SLC25A24: variants seen among roughly 807,000 people sequenced by gnomAD.
SLC25A24 encodes the protein mitochondrial adenyl nucleotide antiporter SLC25A24.
In SLC25A24, 49 loss-of-function variants were observed where a neutral mutation model predicts 60.7. The observed-to-expected ratio is 0.81, with a 90% CI of 0.64 to 1.02. SLC25A24 has a LOEUF of 1.02. Ranked by LOEUF, SLC25A24 falls within the 50% of genes least tolerant of loss-of-function variation. The pLI, the probability that SLC25A24 is intolerant of heterozygous loss-of-function variation, is 0.00. For synonymous variants in SLC25A24, 202 were observed against 200.6 expected (o/e 1.01, Z -0.06); for missense variants, 564 against 586.3 (o/e 0.96, Z 0.39).
chr1:108,182,493 G>A (rs1647965448), intron 2 of SLC25A24, among the ~76,000 whole-genome samples: 1 of 148,320 alleles, frequency 6.7e-6, no homozygotes, highest in Non-Finnish European at 1.5e-5. Context: ...AAGAGAAGTA[G>A]TAAATGAGGA....
intron 7 of SLC25A24, among the ~76,000 whole-genome samples, chr1:108,146,538 T>C (rs1016219652): frequency 1.3e-5 from 2 of 152,222 alleles, no homozygotes; most frequent in African/African-American, 2.4e-5. Context: ...TTCAGTATGA[T>C]ATTGGCTGTG....
At chr1:108,197,753 C>T (rs1421959154) in intron 1 of SLC25A24, among the ~76,000 whole-genome samples, 1 of 152,158 alleles carries the variant, frequency 6.6e-6, no homozygotes, top group East Asian at 1.9e-4. Context: ...ATAATGCAAT[C>T]CTGTGGAGGA....
chr1:108,188,549 G>T (rs1490134899), intron 1 of SLC25A24, among the ~76,000 whole-genome samples: 2 of 152,144 alleles, frequency 1.3e-5, no homozygotes, highest in Non-Finnish European at 2.9e-5. Flanking sequence ...CATCTAAGAG[G>T]TTTATATTTT....
chr1:108,156,703 G>A (rs1031998521), intron 5 of SLC25A24, among the ~76,000 whole-genome samples: 18 of 152,304 alleles, frequency 1.2e-4, no homozygotes, highest in Non-Finnish European at 2.2e-4. Context: ...TCACATACCT[G>A]ATATTGCTTG....
At chr1:108,140,636 G>A (rs978487585) in intron 8 of SLC25A24, among the ~76,000 whole-genome samples, 1 of 152,030 alleles carries the variant, frequency 6.6e-6, no homozygotes, top group African/African-American at 2.4e-5. Flanking sequence ...TAAAGTTTGT[G>A]GGGAGGAGGT....
rs1017280626 is a variant in SLC25A24, at chr1:108,174,911, C to T, written c.398+7030G>A. Among the ~76,000 whole-genome samples, 4 of 152,222 alleles carry T rather than the reference C, an allele frequency of 2.6e-5. No homozygotes were observed. The South Asian group carries it at 8.3e-4, about 32-fold the overall frequency. ...CCCATTTGGAACAAGTATATTTAAT[C>T]AATGCCTGTACCCTCATTGTATCTA... is the stretch of plus-strand genomic sequence containing the variant. On this transcript the variant is annotated intron_variant, in intron 3 of 9. Coordinates refer to ENST00000565488, the MANE Select transcript of SLC25A24 (RefSeq NM_013386.5).
At chr1:108,142,272 T>C (rs969358929) in intron 8 of SLC25A24, among the ~76,000 whole-genome samples, 1 of 152,134 alleles carries the variant, frequency 6.6e-6, no homozygotes, top group African/African-American at 2.4e-5. Context: ...CTGAGATATA[T>C]ACCCAAAGGA....
At chr1:108,185,730 T>C (rs1571307801) in intron 2 of SLC25A24, 98 bp downstream of exon 2, 4 of 870,730 alleles carry the variant, frequency 4.6e-6, no homozygotes, top group Non-Finnish European at 6.9e-6. Flanking sequence ...ATAATTATCA[T>C]CTAAAACCAG....
chr1:108,192,834 G>A lies in SLC25A24; in HGVS notation c.184-6880C>T. On this transcript the variant is annotated intron_variant, in intron 1 of 9. Transcript: ENST00000565488. ...TAACGGCTTCAGCGCAAAGGCGCGAGCGCGCAGGACCCGGGACCTGCGTGG... is the reference window on the plus strand; with the variant it reads ...TAACGGCTTCAGCGCAAAGGCGCGAACGCGCAGGACCCGGGACCTGCGTGG... The A allele has an allele frequency of 1.7e-6, 2 of 1,168,140 alleles. 1 individual carries two copies. The highest frequency in any genetic ancestry group is 2.2e-6 in the Non-Finnish European group (2 of 923,572). 72.4% of individuals were successfully genotyped at this position (1,168,140 alleles called of 1,614,324 possible).
At chr1:108,197,788 C>G (rs1648538110) in intron 1 of SLC25A24, among the ~76,000 whole-genome samples, 1 of 152,182 alleles carries the variant, frequency 6.6e-6, no homozygotes, top group African/African-American at 2.4e-5. Flanking sequence ...AAAGGCAAAG[C>G]AAGTGCTACG....
chr1:108,150,812 A>T (rs1287913231), intron 6 of SLC25A24, among the ~76,000 whole-genome samples: 1 of 152,032 alleles, frequency 6.6e-6, no homozygotes, highest in Non-Finnish European at 1.5e-5. Flanking sequence ...TGAAACACCT[A>T]CCGGGTTAAT....
At chr1:108,147,839 T>G (rs1679648215) in intron 7 of SLC25A24, among the ~76,000 whole-genome samples, 1 of 152,124 alleles carries the variant, frequency 6.6e-6, no homozygotes, top group African/African-American at 2.4e-5. Flanking sequence ...GGTTGGTCTG[T>G]GTGATCAATG....
Position 108,200,021 on chromosome 1 carries a change from C to G in SLC25A24, c.118G>C (p.Asp40His), listed in dbSNP as rs765770819. Residue 40 changes from aspartate (D) to histidine (H), a missense_variant, in exon 1 of 10, where the codon GAC (aspartate) becomes CAC (histidine). Transcript: ENST00000565488. ...AGCCCCTCCTGCAGCTCGCCGATGTCCACCACTCCGTCCCCATTGCGGTCC... is the reference window on the plus strand; with the variant it reads ...AGCCCCTCCTGCAGCTCGCCGATGTGCACCACTCCGTCCCCATTGCGGTCC... ...ALDRNGDGVV[D>H]IGELQEGLRN... 1.9e-6 allele frequency: 3 copies of G among 1,611,094 alleles called. No individual in the cohort carries two copies. In the African/African-American group the frequency reaches 4.0e-5, roughly 22 times the overall value.
At chr1:108,157,195 G>C (rs1189325252) in intron 5 of SLC25A24, among the ~76,000 whole-genome samples, 2 of 152,162 alleles carry the variant, frequency 1.3e-5, no homozygotes, top group Non-Finnish European at 2.9e-5. Flanking sequence ...ACAATAGCTA[G>C]AGATATTTTT....
chr1:108,190,165 G>A (rs1249672087), intron 1 of SLC25A24, among the ~76,000 whole-genome samples: 2 of 152,126 alleles, frequency 1.3e-5, no homozygotes, highest in African/African-American at 2.4e-5. Flanking sequence ...AGAGGAGTGG[G>A]AAAGCTTTAC....
Position 108,200,313 on chromosome 1 carries a change from C to A in SLC25A24, c.-175G>T. The A allele has an allele frequency of 2.4e-6, 1 of 416,614 alleles. No homozygotes were observed. The highest frequency in any genetic ancestry group is 3.9e-6 in the Non-Finnish European group (1 of 259,142). 25.8% of individuals were successfully genotyped at this position (416,614 alleles called of 1,614,324 possible). ...GGGCGCAGGGCGCAGGAGCGGAGAC[C>A]CCACCCGAGCCCGCGCGGAGCGCAG... is the stretch of plus-strand genomic sequence containing the variant. On this transcript the variant is annotated 5_prime_UTR_variant, in exon 1 of 10. Transcript: ENST00000565488.
intron 3 of SLC25A24, among the ~76,000 whole-genome samples, chr1:108,168,989 G>A (rs549448009): frequency 6.6e-6 from 1 of 152,268 alleles, no homozygotes; most frequent in South Asian, 2.1e-4. Flanking sequence ...CGTTTAGGTT[G>A]GTGTTTGTGT....
intron 3 of SLC25A24, among the ~76,000 whole-genome samples, chr1:108,174,475 G>A (rs1647596541): frequency 6.6e-6 from 1 of 152,228 alleles, no homozygotes; most frequent in Admixed American, 6.5e-5. Context: ...GTTTGCTGCA[G>A]GGGTGGAGCC....
chr1:108,162,263 T>A (rs1305137024), intron 3 of SLC25A24, among the ~76,000 whole-genome samples: 1 of 146,208 alleles, frequency 6.8e-6, no homozygotes. Flanking sequence ...TACATGTGCA[T>A]GTGTCTTTAT....
Sources: allele counts gnomAD v4.1 joint callset (sites outside exome capture counted in the v4.1 genomes callset), GRCh38; gene constraint gnomAD v4.1.1; transcripts MANE v1.5; gene names NCBI Gene and HGNC (gene_info 2026-07-23, HGNC 2026-07-21).